The following PDE4D variants were observed in gnomAD, a reference collection of about 807,000 sequenced individuals.
PDE4D encodes the protein phosphodiesterase 4D, also known as 3',5'-cyclic-AMP phosphodiesterase 4D.
In PDE4D, 24 loss-of-function variants were observed where a neutral mutation model predicts 87.4. That is an observed-to-expected ratio of 0.27 (90% CI 0.20 to 0.39). PDE4D has a LOEUF of 0.39. Among genes scored for constraint, PDE4D ranks in the 10% least tolerant of loss-of-function variants. The pLI, the probability that PDE4D is intolerant of heterozygous loss-of-function variation, is 1.00. For missense variants in PDE4D, 714 were observed against 1,041.0 expected (o/e 0.69, Z 4.32); for synonymous variants, 384 against 383.2 (o/e 1.00, Z -0.02).
At chr5:59,361,469 A>G (rs968324721) in intron 1 of PDE4D, among the ~76,000 whole-genome samples, 1 of 152,150 alleles carries the variant, frequency 6.6e-6, no homozygotes, top group Non-Finnish European at 1.5e-5. Context: ...TTTCTATTTA[A>G]TATTCTACTC....
rs1316937670 is a variant in PDE4D at position 60,197,070 on chromosome 5, T to TAGATAGATAGATAGACAGAC, written c.-89-11384_-89-11383insGTCTGTCTATCTATCTATCT. On this transcript the variant is annotated intron_variant, in intron 1 of 16. Transcript: ENST00000502484. Reference sequence around the variant, plus strand: ...ATAGATAGATAGATAGATAGATAGATAGACAGTTAGATAGATAGATAGATA... The same window carrying TAGATAGATAGATAGACAGAC: ...ATAGATAGATAGATAGATAGATAGATAGATAGATAGATAGACAGACAGACAGTTAGATAGATAGATAGATA... 5.9e-4 allele frequency among the ~76,000 whole-genome samples: 72 copies of TAGATAGATAGATAGACAGAC among 123,008 alleles called. 1 individual carries two copies. Among genetic ancestry groups the TAGATAGATAGATAGACAGAC allele is most frequent in the South Asian group, 4.5e-3 (16 of 3,574 alleles). The allele number at this position is 123,008 out of a possible 152,430, so 80.7% of individuals were successfully genotyped here.
intron 5 of PDE4D, among the ~76,000 whole-genome samples, chr5:59,130,802 A>C (rs1253686893): frequency 1.3e-5 from 2 of 152,206 alleles, no homozygotes; most frequent in East Asian, 3.8e-4. Context: ...TTTTGTACCC[A>C]ATCAATACCT....
intron 1 of PDE4D, among the ~76,000 whole-genome samples, chr5:60,450,798 G>A (rs1746040059): frequency 6.6e-6 from 1 of 152,014 alleles, no homozygotes; most frequent in South Asian, 2.1e-4. Flanking sequence ...CAGAAAATAG[G>A]ATGAACCAAT....
chr5:60,322,417 A>AC (rs1756390440), intron 1 of PDE4D, among the ~76,000 whole-genome samples: 1 of 125,832 alleles, frequency 7.9e-6, no homozygotes, highest in Admixed American at 8.1e-5. Flanking sequence ...CACACACACA[A>AC]AACCCTAACA....
intron 2 of PDE4D, among the ~76,000 whole-genome samples, chr5:60,048,654 G>A (rs1459053986): frequency 2.0e-5 from 3 of 151,688 alleles, no homozygotes; most frequent in African/African-American, 4.9e-5. Flanking sequence ...TGAAATTCTG[G>A]GTTGAAAATT....
intron 1 of PDE4D, among the ~76,000 whole-genome samples, chr5:60,457,356 A>G (rs1746553254): frequency 6.6e-6 from 1 of 152,206 alleles, no homozygotes; most frequent in Non-Finnish European, 1.5e-5. Flanking sequence ...TTTAAGAGAT[A>G]GAAGGCTTGG....
rs79819539 is a variant in PDE4D at position 60,286,554 on chromosome 5, A to G, written c.-89-100867T>C. Among the ~76,000 whole-genome samples the G allele has an allele frequency of 7.4e-4, 108 of 145,160 alleles. 2 individuals are homozygous for G. In the East Asian group the frequency reaches 0.02, roughly 27 times the overall value. ...ATATGATGTGGCCGCTAAGAGATTC[A>G]TCACTGGTTATTTTTGAAACTCCAG... On this transcript the variant is annotated intron_variant, in intron 1 of 16. Coordinates refer to the PDE4D transcript ENST00000502484.
Position 58,988,496 on chromosome 5 carries a change from T to A in PDE4D, c.1549A>T (p.Thr517Ser). The A allele has an allele frequency of 1.4e-6, 2 of 1,385,926 alleles. No individual in the cohort carries two copies. Among genetic ancestry groups the A allele is most frequent in the South Asian group, 1.4e-5 (1 of 69,526 alleles). 85.9% of individuals were successfully genotyped at this position (1,385,926 alleles called of 1,614,324 possible). A position where few individuals can be genotyped will look rare whatever the true frequency, so the allele number is the denominator to read the frequency against. ...TGAAAAAATAAAGTTTACTTACTTG[T>A]ATTGATCAGAAATTGATTGGACACA... ...PGVSNQFLIN[T>S]NSELALMYND... The change falls in exon 11 of 15, where the codon ACA becomes TCA. Residue 517 changes from threonine to serine, a missense_variant. By Grantham distance (58) the Thr-to-Ser change is moderately conservative (BLOSUM62 1). Coordinates refer to ENST00000340635, the MANE Select transcript of PDE4D (RefSeq NM_001104631.2).
chr5:59,815,703 C>T (rs938736043), intron 1 of PDE4D, among the ~76,000 whole-genome samples: 3 of 152,194 alleles, frequency 2.0e-5, no homozygotes, highest in Non-Finnish European at 4.4e-5. Context: ...AACTGAATTT[C>T]AACAAAGCAT....
At chr5:60,000,298 A>G (rs1411878583) in intron 2 of PDE4D, among the ~76,000 whole-genome samples, 3 of 152,192 alleles carry the variant, frequency 2.0e-5, no homozygotes, top group African/African-American at 7.2e-5. Flanking sequence ...TCAAACTGTC[A>G]AATATCAAAG....
intron 2 of PDE4D, among the ~76,000 whole-genome samples, chr5:60,153,477 T>C (rs1198296431): frequency 1.3e-5 from 2 of 152,134 alleles, no homozygotes; most frequent in African/African-American, 2.4e-5. Context: ...CCTCAAAAAA[T>C]TAAAAATAGA....
At chr5:59,163,126 G>C (rs1781389569) in intron 5 of PDE4D, among the ~76,000 whole-genome samples, 1 of 132,720 alleles carries the variant, frequency 7.5e-6, no homozygotes. Flanking sequence ...TTTTTTTTCA[G>C]TAGAGACGGG....
At chr5:59,404,664 TAAAAA>T (rs141310449) in intron 1 of PDE4D, among the ~76,000 whole-genome samples, 2 of 137,096 alleles carry the variant, frequency 1.5e-5, no homozygotes, top group Non-Finnish European at 1.6e-5. Flanking sequence ...AGACTCTGTC[TAAAAA>T]AAAAAAAAAA....
In PDE4D at chr5:59,504,711, C is replaced by T. The variant is rs1582896476; in HGVS notation, c.456-288743G>A. On this transcript the variant is annotated intron_variant, in intron 1 of 14. Transcript: ENST00000340635. ...GTGATGGTGGGAAATTCAAACCACA[C>T]CAGAGTCCACCCACACAAAACTCTC... is the stretch of plus-strand genomic sequence containing the variant. Among the ~76,000 whole-genome samples, 3 of 152,082 alleles carry T rather than the reference C, an allele frequency of 2.0e-5. No homozygotes were observed. The South Asian group carries it at 6.2e-4, about 31-fold the overall frequency.
chr5:59,086,822 C>G (rs1284379709), intron 5 of PDE4D, among the ~76,000 whole-genome samples: 1 of 152,148 alleles, frequency 6.6e-6, no homozygotes, highest in African/African-American at 2.4e-5. Context: ...CTATTTTACT[C>G]TATAAATAAC....
At chr5:59,302,121 C>T (rs1210044050) in intron 1 of PDE4D, among the ~76,000 whole-genome samples, 3 of 152,120 alleles carry the variant, frequency 2.0e-5, no homozygotes, top group Non-Finnish European at 4.4e-5. Flanking sequence ...AGAGCATACA[C>T]ACAACTTCAG....
Position 60,003,763 on chromosome 5 carries a change from T to C in PDE4D, c.43-15046A>G, listed in dbSNP as rs1363095846. ...AAGAACAAAGTTGGAAGCGTCATAC[T>C]CCCTAATTCCAAACTATATTACAAA... On this transcript the variant is annotated intron_variant, in intron 2 of 16. Coordinates refer to the PDE4D transcript ENST00000502484. Among the ~76,000 whole-genome samples the C allele has an allele frequency of 7.4e-5, 11 of 148,424 alleles. No homozygotes were observed. The South Asian group carries it at 2.4e-3, about 32-fold the overall frequency.
At chr5:59,371,423 G>A (rs187927643) in intron 1 of PDE4D, among the ~76,000 whole-genome samples, 10 of 152,252 alleles carry the variant, frequency 6.6e-5, no homozygotes, top group Admixed American at 2.0e-4. Flanking sequence ...TCCCCCACTC[G>A]AATCCTCCTT....
chr5:60,200,607 G>A (rs13157205), intron 1 of PDE4D, among the ~76,000 whole-genome samples: 10,747 of 152,190 alleles, frequency 0.071, 423 homozygotes, highest in African/African-American at 0.087. Flanking sequence ...TACTGTAGAT[G>A]ACAGTCAATG....
Sources: allele counts gnomAD v4.1 joint callset (sites outside exome capture counted in the v4.1 genomes callset), GRCh38; gene constraint gnomAD v4.1.1; transcripts MANE v1.5; gene names NCBI Gene and HGNC (gene_info 2026-07-23, HGNC 2026-07-21).